Variants in NEK10 observed in about 807,000 individuals in gnomAD.
NEK10 encodes NIMA related kinase 10.
A neutral mutation model predicts 159.8 loss-of-function variants in NEK10; 122 were observed. The ratio of observed to expected loss-of-function variants is 0.76; its 90% CI spans 0.66 to 0.89. The LOEUF (loss-of-function observed/expected upper bound fraction) is 0.89, where lower values mean the gene tolerates loss of function less well. NEK10 is among the 40% of genes least tolerant of loss of function. The pLI is 0.00. For synonymous variants in NEK10, 466 were observed against 457.1 expected, an observed-to-expected ratio of 1.02 and a Z score of -0.25; for missense variants, 1,342 against 1,323.1, an observed-to-expected ratio of 1.01 and a Z score of -0.22.
intron 22 of NEK10, among the ~76,000 whole-genome samples, chr3:27,260,831 G>C (rs1575492068): frequency 1.3e-5 from 2 of 152,214 alleles, no homozygotes; most frequent in Admixed American, 1.3e-4. Context: ...GTAGAATTCG[G>C]CTGTGAATCC....
intron 13 of NEK10, among the ~76,000 whole-genome samples, chr3:27,299,179 A>G (rs1336121553): frequency 6.6e-6 from 1 of 152,104 alleles, no homozygotes; most frequent in East Asian, 1.9e-4. Flanking sequence ...AAACGGTTTC[A>G]TGGACTGGAC....
intron 6 of NEK10, among the ~76,000 whole-genome samples, chr3:27,319,359 G>A (rs1418812446): frequency 1.3e-4 from 20 of 152,076 alleles, no homozygotes; most frequent in Non-Finnish European, 2.6e-4. Flanking sequence ...GTCTTTCCTG[G>A]CTGGAACATT....
chr3:27,172,902 T>C (rs1164304848), intron 28 of NEK10, among the ~76,000 whole-genome samples: 2 of 152,206 alleles, frequency 1.3e-5, no homozygotes, highest in Non-Finnish European at 2.9e-5. Context: ...GGAAATATTC[T>C]AGGCTTTGCA....
chr3:27,133,920 C>A (rs1001028142), intron 31 of NEK10, among the ~76,000 whole-genome samples: 1 of 152,160 alleles, frequency 6.6e-6, no homozygotes, highest in Non-Finnish European at 1.5e-5. Context: ...CTCCTCTGAC[C>A]TCTTTTCAGG....
chr3:27,332,235 C>A (rs1301299474), intron 5 of NEK10, among the ~76,000 whole-genome samples: 1 of 152,210 alleles, frequency 6.6e-6, no homozygotes, highest in African/African-American at 2.4e-5. Flanking sequence ...TTAAGTTATA[C>A]TGCAACATTG....
At chr3:27,334,436 C>A (rs2046650552) in intron 5 of NEK10, among the ~76,000 whole-genome samples, 1 of 152,214 alleles carries the variant, frequency 6.6e-6, no homozygotes, top group Admixed American at 6.5e-5. Flanking sequence ...CAAGAATAGA[C>A]CCAACTGGAC....
chr3:27,153,130 C>T (rs1945050761), intron 30 of NEK10, among the ~76,000 whole-genome samples: 1 of 152,024 alleles, frequency 6.6e-6, no homozygotes. Flanking sequence ...ACTATCCTGG[C>T]TAACATGGTG....
chr3:27,237,655 G>T (rs1954086723), intron 23 of NEK10, among the ~76,000 whole-genome samples: 1 of 151,912 alleles, frequency 6.6e-6, no homozygotes. Flanking sequence ...CAGGAGGAAG[G>T]GTGGGAGTGG....
At chr3:27,132,781 GA>G (rs1488857141) in intron 31 of NEK10, among the ~76,000 whole-genome samples, 3 of 152,086 alleles carry the variant, frequency 2.0e-5, no homozygotes, top group Non-Finnish European at 4.4e-5. Context: ...TCTCAGAGTG[GA>G]AATAATATTT....
chr3:27,306,303 C>A (rs1323212045), intron 11 of NEK10, among the ~76,000 whole-genome samples: 1 of 152,082 alleles, frequency 6.6e-6, no homozygotes, highest in East Asian at 1.9e-4. Flanking sequence ...GATATAAATC[C>A]CTCTTTCATC....
At chr3:27,286,896 T>A (rs531777386) in intron 20 of NEK10, among the ~76,000 whole-genome samples, 2 of 151,790 alleles carry the variant, frequency 1.3e-5, no homozygotes, top group East Asian at 3.9e-4. Context: ...TAGCACTGAG[T>A]TTTTCTGAGT....
In NEK10 at chr3:27,107,961, G is replaced by A. The variant is rs1330028585; in HGVS notation, c.*3311C>T. The stretch of plus-strand genomic sequence containing the variant: ...CATCAAATCAAAAAGAGGAATGTGG[G>A]TTCTATGCATATTAATACTGATAAA... On this transcript the variant is annotated 3_prime_UTR_variant, in exon 36 of 36. Coordinates refer to ENST00000691995, the MANE Select transcript of NEK10 (RefSeq NM_001394966.1). Among the ~76,000 whole-genome samples, 2 of 152,106 alleles carry A rather than the reference G, an allele frequency of 1.3e-5. No individual in the cohort carries two copies. Among genetic ancestry groups the A allele is most frequent in the Non-Finnish European group, 2.9e-5 (2 of 68,016 alleles).
Position 27,307,899 on chromosome 3 carries a change from G to T in NEK10, c.763C>A (p.Leu255Met). ...TCATATTCATGTAAAATCATCAACA[G>T]ATTTTCTACAATGTTGAGTTCACTT... ...KISELNIVEN[L>M]LMILHEYDLL... Residue 255 changes from leucine (L) to methionine (M), a missense_variant, in exon 11 of 36, where the codon CTG becomes ATG. Leu to Met is a conservative substitution (Grantham distance 15). Coordinates refer to ENST00000691995, the MANE Select transcript of NEK10 (RefSeq NM_001394966.1). 1.3e-6 allele frequency: 2 copies of T among 1,568,622 alleles called. No individual in the cohort carries two copies. Among genetic ancestry groups the T allele is most frequent in the South Asian group, 1.1e-5 (1 of 89,834 alleles).
rs993085281 is a variant in NEK10 at position 27,309,138 on chromosome 3, T to G, written c.637-133A>C. 1.9e-5 allele frequency: 9 copies of G among 463,728 alleles called. No individual in the cohort carries two copies. The South Asian group carries it at 2.8e-4, about 14-fold the overall frequency. The allele number at this position is 463,728 out of a possible 1,614,324, so 28.7% of individuals were successfully genotyped here. A position where few individuals can be genotyped will look rare whatever the true frequency, so the allele number is the denominator to read the frequency against. On this transcript the variant is annotated intron_variant, in intron 9 of 35. Transcript: ENST00000691995. ...GCTTCCCTCTTAAGATCATATAGGC[T>G]TAACTGTTTTTTTTTTTTGCTTAGT...
intron 12 of NEK10, among the ~76,000 whole-genome samples, chr3:27,304,063 C>A (rs1461190168): frequency 6.6e-6 from 1 of 152,142 alleles, no homozygotes; most frequent in African/African-American, 2.4e-5. Context: ...TAGTTTGCAA[C>A]GTACTTCTAG....
chr3:27,289,975 AG>A lies in NEK10; in HGVS notation c.1743+641del, dbSNP rs1326936785. 2.0e-5 allele frequency among the ~76,000 whole-genome samples: 3 copies of A among 152,378 alleles called. No homozygotes were observed. In the East Asian group the frequency reaches 5.8e-4, roughly 29 times the overall value. On this transcript the variant is annotated intron_variant, in intron 19 of 35. Transcript: ENST00000691995. ...AGCAGCAAAGCTGATAGTGCACCAC[AG>A]GAATTATAAATGAACAGTATTCGTG...
intron 31 of NEK10, among the ~76,000 whole-genome samples, chr3:27,133,049 T>C (rs1474014407): frequency 6.6e-6 from 1 of 152,206 alleles, no homozygotes; most frequent in Non-Finnish European, 1.5e-5. Context: ...ATGATGTGTG[T>C]CACTCTGAGG....
At chr3:27,344,024 C>T (rs113156482) in intron 5 of NEK10, among the ~76,000 whole-genome samples, 2,636 of 152,280 alleles carry the variant, frequency 0.017, 50 homozygotes, top group Non-Finnish European at 0.023. Context: ...TATCCAAACT[C>T]AAAGAAAATA....
At chr3:27,364,870 C>T (rs1431362067) in intron 1 of NEK10, among the ~76,000 whole-genome samples, 1 of 152,176 alleles carries the variant, frequency 6.6e-6, no homozygotes, top group East Asian at 1.9e-4. Context: ...GTTCTAAGTG[C>T]TTTCTATACA....
Sources: allele counts gnomAD v4.1 joint callset (sites outside exome capture counted in the v4.1 genomes callset), GRCh38; gene constraint gnomAD v4.1.1; transcripts MANE v1.5; gene names NCBI Gene and HGNC (gene_info 2026-07-23, HGNC 2026-07-21).